The following PARN variants were observed in gnomAD, a reference collection of about 807,000 sequenced individuals.
The protein encoded by PARN is poly(A)-specific ribonuclease PARN.
A neutral mutation model predicts 102.8 loss-of-function variants in PARN; 71 were observed. That is an observed-to-expected ratio of 0.69 (90% CI 0.57 to 0.84). PARN has a LOEUF of 0.84. Ranked by LOEUF, PARN falls within the 40% of genes least tolerant of loss-of-function variation. The probability of loss-of-function intolerance (pLI) is 0.00; values close to 1 mark genes in which losing one functional copy is unlikely to be tolerated. For missense variants in PARN, 782 were observed against 760.9 expected, an observed-to-expected ratio of 1.03 and a Z score of -0.33; for synonymous variants, 261 against 252.9, an observed-to-expected ratio of 1.03 and a Z score of -0.30.
intron 22 of PARN, among the ~76,000 whole-genome samples, chr16:14,450,653 T>C (rs936937973): frequency 2.0e-5 from 3 of 152,152 alleles, no homozygotes; most frequent in Non-Finnish European, 2.9e-5. Context: ...GCAATGAGCA[T>C]ATCTATTGTC....
chr16:14,617,645 G>A lies in PARN; in HGVS notation c.333C>T (p.Ser111=). Reference sequence around the variant, plus strand: ...CCTGGCTTGCTAGAAAGTCAATGCTGGAGCTCTGAAACAGAGTAAACAGAA... The same window carrying A: ...CCTGGCTTGCTAGAAAGTCAATGCTAGAGCTCTGAAACAGAGTAAACAGAA... ...SPDVKFVCQS[S]SIDFLASQGF... Residue 111 remains serine (S), a synonymous_variant, in exon 6 of 24, where the codon TCC becomes TCT. Coordinates refer to ENST00000437198, the MANE Select transcript of PARN (RefSeq NM_002582.4). 1 of 1,592,814 alleles carries A rather than the reference G, an allele frequency of 6.3e-7. No individual in the cohort carries two copies.
rs189539746 is a variant in PARN, at chr16:14,593,992, G to A, written c.841-614C>T. Among the ~76,000 whole-genome samples the A allele has an allele frequency of 3.9e-4, 58 of 149,990 alleles. No individual in the cohort carries two copies. The East Asian group carries it at 6.5e-3, about 17-fold the overall frequency. On this transcript the variant is annotated intron_variant, in intron 12 of 23. Transcript: ENST00000437198. ...AGCCTGGGCAACAGAGTGAGACCCC[G>A]TCTCAAAAAAAAAAAAGTAAAATCT...
At chr16:14,470,440 T>G (rs187429786) in intron 22 of PARN, among the ~76,000 whole-genome samples, 2,356 of 98,764 alleles carry the variant, frequency 0.024, 39 homozygotes, top group African/African-American at 0.048. Flanking sequence ...TTTGGATGAT[T>G]ATTATTATTA....
rs528521955 is a variant in PARN, at chr16:14,489,931, G to A, written c.1481-7104C>T. ...TGCCTATAATCCCAGCACTTTGGGAGGCCAAGGCTGGCGGATCACTTGAGT... is the reference window on the plus strand; with the variant it reads ...TGCCTATAATCCCAGCACTTTGGGAAGCCAAGGCTGGCGGATCACTTGAGT... On this transcript the variant is annotated intron_variant, in intron 21 of 23. Coordinates refer to ENST00000437198, the MANE Select transcript of PARN (RefSeq NM_002582.4). 3.9e-5 allele frequency among the ~76,000 whole-genome samples: 6 copies of A among 152,346 alleles called. No homozygotes were observed. In the East Asian group the frequency reaches 9.6e-4, roughly 24 times the overall value.
chr16:14,516,154 A>G (rs955055508), intron 21 of PARN, among the ~76,000 whole-genome samples: 2 of 152,052 alleles, frequency 1.3e-5, no homozygotes, highest in African/African-American at 2.4e-5. Flanking sequence ...GATAATTAAA[A>G]GATAAAAAAT....
intron 12 of PARN, among the ~76,000 whole-genome samples, chr16:14,598,572 T>C (rs1209768533): frequency 6.6e-6 from 1 of 152,184 alleles, no homozygotes; most frequent in East Asian, 1.9e-4. Flanking sequence ...AACTCAACTC[T>C]GCTTTTCTGG....
At chr16:14,458,803 T>C (rs556704062) in intron 22 of PARN, among the ~76,000 whole-genome samples, 6 of 152,060 alleles carry the variant, frequency 3.9e-5, no homozygotes, top group African/African-American at 7.2e-5. Context: ...CCCAGGCCAG[T>C]AGGAGCTAGA....
chr16:14,613,824 CGGA>C (rs1971687951), intron 6 of PARN, among the ~76,000 whole-genome samples: 1 of 151,920 alleles, frequency 6.6e-6, no homozygotes, highest in South Asian at 2.1e-4. Context: ...GTATGATACA[CGGA>C]GAAGAATACA....
chr16:14,501,485 T>TAAAAAAA (rs1964614612), intron 21 of PARN: 2 of 96,864 alleles, frequency 2.1e-5, no homozygotes, highest in African/African-American at 3.7e-5. Context: ...GAATGAATGT[T>TAAAAAAA]AAAATGTAGG....
chr16:14,618,123 A>C (rs1176916355), intron 5 of PARN, among the ~76,000 whole-genome samples: 1 of 151,974 alleles, frequency 6.6e-6, no homozygotes, highest in Non-Finnish European at 1.5e-5. Context: ...GAAGTTCGAG[A>C]CCGGCAGGTC....
intron 12 of PARN, among the ~76,000 whole-genome samples, chr16:14,597,696 C>CAA (rs147618787): frequency 8.7e-5 from 10 of 115,062 alleles, no homozygotes; most frequent in Non-Finnish European, 9.2e-5. Flanking sequence ...GACTCCATCT[C>CAA]AAAAAAAAAA....
chr16:14,474,306 A>C (rs569909321), intron 22 of PARN, among the ~76,000 whole-genome samples: 1 of 152,296 alleles, frequency 6.6e-6, no homozygotes, highest in South Asian at 2.1e-4. Flanking sequence ...TGCTCAGCCA[A>C]TGATCTTTTT....
intron 21 of PARN, among the ~76,000 whole-genome samples, chr16:14,548,763 T>C (rs114505295): frequency 0.011 from 1,700 of 152,276 alleles, 31 homozygotes; most frequent in African/African-American, 0.039. Flanking sequence ...GAAATCGGCC[T>C]GGCCAACATA....
At chr16:14,449,644 T>TG (rs1961363899) in intron 22 of PARN, among the ~76,000 whole-genome samples, 1 of 151,510 alleles carries the variant, frequency 6.6e-6, no homozygotes, top group Non-Finnish European at 1.5e-5. Context: ...AACTCAAACT[T>TG]GAAGAGAAAA....
At chr16:14,545,048 C>T (rs760892421) in intron 21 of PARN, among the ~76,000 whole-genome samples, 1 of 152,040 alleles carries the variant, frequency 6.6e-6, no homozygotes, top group Non-Finnish European at 1.5e-5. Context: ...ATTAGCCAGG[C>T]ATCCTAGCGT....
At chr16:14,629,555 T>C in intron 2 of PARN, 42 bp downstream of exon 2, 1 of 1,380,022 alleles carries the variant, frequency 7.2e-7, no homozygotes, top group Non-Finnish European at 1.0e-6. Context: ...GCCTTGGCTA[T>C]GCACTGCAAA....
intron 21 of PARN, among the ~76,000 whole-genome samples, chr16:14,518,670 A>G (rs1205922236): frequency 6.6e-6 from 1 of 152,122 alleles, no homozygotes; most frequent in Non-Finnish European, 1.5e-5. Context: ...AACAAAAATT[A>G]CTTTTAAATA....
At chr16:14,628,103 A>G (rs1972789362) in intron 3 of PARN, 69 bp downstream of exon 3, 1 of 920,834 alleles carries the variant, frequency 1.1e-6, no homozygotes, top group African/African-American at 1.6e-5. Context: ...GTTTAGTAAC[A>G]ATATTTATCA....
chr16:14,629,460 T>A (rs1424305762), intron 2 of PARN, 137 bp downstream of exon 2: 1 of 670,488 alleles, frequency 1.5e-6, no homozygotes, highest in African/African-American at 1.8e-5. Context: ...AGGGTAACAC[T>A]GAGACCTGTG....
Sources: gnomAD v4.1 joint callset for allele counts (sites outside exome capture counted in the v4.1 genomes callset) on GRCh38, gnomAD v4.1.1 for gene constraint, MANE v1.5 for transcripts, NCBI Gene and HGNC (gene_info 2026-07-23, HGNC 2026-07-21) for gene names.